Variants in ZNF469 observed in about 807,000 individuals in gnomAD.
ZNF469 encodes zinc finger protein 469.
In ZNF469, 1 loss-of-function variant was observed where a neutral mutation model predicts 1.0. The ratio of observed to expected loss-of-function variants is 1.00; its 90% CI spans 0.35 to 4.73. ZNF469 has a LOEUF of 4.73. Among genes scored for constraint, ZNF469 ranks in the 30% most tolerant of loss-of-function variants. ZNF469 has a pLI of 0.16. For missense variants in ZNF469, 6,100 were observed against 5,356.3 expected (o/e 1.14, Z -4.33); for synonymous variants, 2,703 against 2,363.4 (o/e 1.14, Z -4.17).
At chr16:88,156,011 A>G in the ZNF469 span, among the ~76,000 whole-genome samples, 1 of 152,146 alleles carries the variant, frequency 6.6e-6, no homozygotes, top group Non-Finnish European at 1.5e-5. Context: ...GACACTGAGT[A>G]CCTTTCCATG....
At position 88,434,385 on chromosome 16, in the gene ZNF469, G is replaced by T; in HGVS notation, c.6915G>T (p.Gly2305=). 1 of 1,549,910 alleles carries T rather than the reference G, an allele frequency of 6.5e-7. No homozygotes were observed. Among genetic ancestry groups the T allele is most frequent in the Non-Finnish European group, 8.7e-7 (1 of 1,146,924 alleles). ...CACAGGCAGGCAGGGGACTCCCAGG[G>T]CCAGACCCCCAGAGCAGGGGAGCCC... ...DEAQAGRGLP[G]PDPQSRGAPP... Residue 2305 remains glycine (G), a synonymous_variant, in exon 3 of 3, where the codon GGG becomes GGT. Transcript: ENST00000565624.
the ZNF469 span, among the ~76,000 whole-genome samples, chr16:88,294,406 C>T: frequency 4.1e-4 from 63 of 152,292 alleles, 2 homozygotes; most frequent in African/African-American, 1.3e-3. Flanking sequence ...TGGTTTAGGG[C>T]GCATAAACTT....
upstream of ZNF469, among the ~76,000 whole-genome samples, chr16:88,380,426 C>T (rs574078486): frequency 2.7e-5 from 4 of 146,292 alleles, no homozygotes; most frequent in East Asian, 4.3e-4. Flanking sequence ...CACACAGATG[C>T]ATTCACACAT....
At chr16:88,269,266 G>A in the ZNF469 span, among the ~76,000 whole-genome samples, 2 of 147,884 alleles carry the variant, frequency 1.4e-5, no homozygotes, top group African/African-American at 4.9e-5. Flanking sequence ...CTGCAAAATA[G>A]GGATAAAAAC....
the ZNF469 span, among the ~76,000 whole-genome samples, chr16:88,287,294 C>G: frequency 6.6e-6 from 1 of 152,270 alleles, no homozygotes; most frequent in African/African-American, 2.4e-5. Context: ...CAGTGTTTTG[C>G]TGTCACAGTG....
chr16:88,173,307 G>A, the ZNF469 span, among the ~76,000 whole-genome samples: 1 of 152,206 alleles, frequency 6.6e-6, no homozygotes, highest in Non-Finnish European at 1.5e-5. Context: ...AGAAGGCCAT[G>A]GGAAGACATC....
chr16:88,372,073 ATCACCACCATCATCAC>A, the ZNF469 span, among the ~76,000 whole-genome samples: 2 of 8,874 alleles, frequency 2.3e-4, no homozygotes, highest in South Asian at 7.9e-3. Context: ...CATCATCACC[ATCACCACCATCATCAC>A]CATCACCACC....
chr16:88,250,151 A>G, the ZNF469 span, among the ~76,000 whole-genome samples: 1 of 152,244 alleles, frequency 6.6e-6, no homozygotes, highest in African/African-American at 2.4e-5. Flanking sequence ...CACCAATCAG[A>G]TCAGGAAACG....
the ZNF469 span, among the ~76,000 whole-genome samples, chr16:88,354,629 C>T: frequency 4.1e-4 from 7 of 17,094 alleles, no homozygotes; most frequent in Non-Finnish European, 8.0e-4. Flanking sequence ...TCACCGCGCC[C>T]GGCCCCCAGC....
the ZNF469 span, among the ~76,000 whole-genome samples, chr16:88,107,598 G>T: frequency 1.3e-5 from 2 of 152,222 alleles, no homozygotes. Context: ...ACTGCCTGTG[G>T]CTGAGGGTCA....
the ZNF469 span, among the ~76,000 whole-genome samples, chr16:88,271,230 TG>T: frequency 6.7e-6 from 1 of 149,836 alleles, no homozygotes; most frequent in East Asian, 2.0e-4. Context: ...TCATCTTTGT[TG>T]GTAATAACAG....
At chr16:88,378,630 G>C (rs1219951304), upstream of ZNF469, among the ~76,000 whole-genome samples, 1 of 152,154 alleles carries the variant, frequency 6.6e-6, no homozygotes, top group Non-Finnish European at 1.5e-5. Flanking sequence ...CCCAATGCTC[G>C]GGGCCCCCAA....
the ZNF469 span, among the ~76,000 whole-genome samples, chr16:88,204,155 C>T: frequency 3.4e-5 from 5 of 146,892 alleles, no homozygotes; most frequent in South Asian, 2.2e-4. Flanking sequence ...ATAGAGCAGC[C>T]GGAGGCGCCC....
the ZNF469 span, among the ~76,000 whole-genome samples, chr16:88,159,229 C>CT: frequency 6.7e-6 from 1 of 150,144 alleles, no homozygotes; most frequent in African/African-American, 2.4e-5. Context: ...CACCGTCCTG[C>CT]AGCGTCTGTC....
At chr16:88,352,507 G>A in the ZNF469 span, among the ~76,000 whole-genome samples, 1 of 152,254 alleles carries the variant, frequency 6.6e-6, no homozygotes, top group East Asian at 1.9e-4. Context: ...TGGGCACCAT[G>A]GCTCAGCACC....
At chr16:88,398,226 G>T (rs1357890333) in intron 1 of ZNF469, among the ~76,000 whole-genome samples, 1 of 150,900 alleles carries the variant, frequency 6.6e-6, no homozygotes, top group African/African-American at 2.5e-5. Context: ...CTCACTACTG[G>T]TCCTGTGTTC....
chr16:88,338,135 TAATGCGC>T, the ZNF469 span, among the ~76,000 whole-genome samples: 1 of 151,820 alleles, frequency 6.6e-6, no homozygotes, highest in Non-Finnish European at 1.5e-5. Context: ...AACTTCCTCT[TAATGCGC>T]AATGCAACCC....
chr16:88,138,341 C>G, the ZNF469 span, among the ~76,000 whole-genome samples: 1 of 152,224 alleles, frequency 6.6e-6, no homozygotes, highest in Non-Finnish European at 1.5e-5. Context: ...TTCCCAAATG[C>G]CACACCAAAG....
chr16:88,239,697 A>T, the ZNF469 span, among the ~76,000 whole-genome samples: 3 of 6,566 alleles, frequency 4.6e-4, no homozygotes, highest in African/African-American at 8.0e-4. Flanking sequence ...ATATATATAT[A>T]TATATATATA....
Sources: allele counts gnomAD v4.1 joint callset (sites outside exome capture counted in the v4.1 genomes callset), GRCh38; gene constraint gnomAD v4.1.1; transcripts MANE v1.5; gene names NCBI Gene and HGNC (gene_info 2026-07-23, HGNC 2026-07-21).